The following PHTF1 variants were observed in gnomAD, a reference collection of about 807,000 sequenced individuals.
The protein encoded by PHTF1 is protein PHTF1.
Under a neutral mutation model 102.4 loss-of-function variants are expected in PHTF1, and 88 were observed. The ratio of observed to expected loss-of-function variants is 0.86; its 90% CI spans 0.72 to 1.03. The LOEUF (loss-of-function observed/expected upper bound fraction) is 1.03. Among genes scored for constraint, PHTF1 ranks in the 50% least tolerant of loss-of-function variants. The probability of loss-of-function intolerance (pLI) is 0.00; values close to 1 mark genes in which losing one functional copy is unlikely to be tolerated. For missense variants in PHTF1, 814 were observed against 909.5 expected (o/e 0.89, Z 1.35); for synonymous variants, 289 against 305.2 (o/e 0.95, Z 0.55).
At chr1:113,738,056 T>C (rs1571211660) in intron 5 of PHTF1, 54 bp downstream of exon 5, 10 of 1,275,440 alleles carry the variant, frequency 7.8e-6, no homozygotes, top group African/African-American at 3.0e-5. Context: ...CATTATTTAA[T>C]AGCAAAAGCA....
intron 11 of PHTF1, 57 bp downstream of exon 11, chr1:113,710,197 C>G: frequency 3.2e-6 from 4 of 1,254,432 alleles, no homozygotes; most frequent in Non-Finnish European, 4.7e-6. Context: ...GACAGAGTGC[C>G]TGACACACAG....
Position 113,712,033 on chromosome 1 carries a change from T to C in PHTF1, c.864A>G (p.Ile288Met), listed in dbSNP as rs1016608357. 6.2e-7 allele frequency: 1 copy of C among 1,613,830 alleles called. No homozygotes were observed. Among genetic ancestry groups the C allele is most frequent in the Non-Finnish European group, 8.5e-7 (1 of 1,179,732 alleles). ...CCCCTTCCACACTCCTACGCAATAA[T>C]ATCATCTGTGTCCGTGCTTCACCAT... ...EEDGEARTQMILLRRSVEGAS... is the reference protein window; with the variant it reads ...EEDGEARTQMMLLRRSVEGAS... Residue 288 changes from isoleucine (I) to methionine (M), a missense_variant, in exon 9 of 19, where the codon ATA becomes ATG. Transcript: ENST00000369604.
At chr1:113,714,307 T>A (rs1051851378) in intron 7 of PHTF1, 2 of 152,032 alleles carry the variant, frequency 1.3e-5, no homozygotes, top group African/African-American at 4.8e-5. Context: ...CACAGTGGGG[T>A]AGAACACCAA....
chr1:113,756,342 C>T (rs1433016041), intron 3 of PHTF1, among the ~76,000 whole-genome samples: 2 of 152,118 alleles, frequency 1.3e-5, no homozygotes, highest in Non-Finnish European at 2.9e-5. Flanking sequence ...AAAAGTTAGT[C>T]GGCTACTTGT....
chr1:113,759,076 G>A lies in PHTF1; in HGVS notation c.-84C>T, dbSNP rs1461775691. The A allele has an allele frequency of 2.0e-6, 2 of 997,010 alleles. No homozygotes were observed. Among genetic ancestry groups the A allele is most frequent in the African/African-American group, 3.5e-5 (2 of 57,698 alleles). The allele number at this position is 997,010 out of a possible 1,614,324, so 61.8% of individuals were successfully genotyped here. ...CCCGGGACCTCCGTCCTCAGTGCCCGGGGTCCCACCGTGAGGCCGGGGGCG... is the reference window on the plus strand; with the variant it reads ...CCCGGGACCTCCGTCCTCAGTGCCCAGGGTCCCACCGTGAGGCCGGGGGCG... On this transcript the variant is annotated 5_prime_UTR_variant, in exon 1 of 19. Transcript: ENST00000369604.
intron 7 of PHTF1, among the ~76,000 whole-genome samples, chr1:113,721,123 G>C (rs112785473): frequency 2.0e-5 from 3 of 152,032 alleles, no homozygotes; most frequent in African/African-American, 7.2e-5. Flanking sequence ...GTAACAATAA[G>C]ATAAAATAAA....
chr1:113,717,511 A>C (rs1017452513), intron 7 of PHTF1, among the ~76,000 whole-genome samples: 1 of 152,224 alleles, frequency 6.6e-6, no homozygotes, highest in Non-Finnish European at 1.5e-5. Context: ...GCTGAAAATA[A>C]GGGGATGGAA....
chr1:113,747,975 CT>C (rs1180679248), intron 3 of PHTF1, among the ~76,000 whole-genome samples: 2 of 152,066 alleles, frequency 1.3e-5, no homozygotes, highest in Non-Finnish European at 2.9e-5. Flanking sequence ...TCAAAAGATC[CT>C]TTTATTTTCC....
chr1:113,758,507 T>G (rs1659225359), intron 2 of PHTF1, 152 bp downstream of exon 2: 4 of 445,892 alleles, frequency 9.0e-6, no homozygotes, highest in African/African-American at 2.1e-5. Context: ...ATAATGACCT[T>G]GTACATCTTT....
At chr1:113,709,763 A>G (rs750386866) in intron 11 of PHTF1, among the ~76,000 whole-genome samples, 8 of 152,242 alleles carry the variant, frequency 5.3e-5, no homozygotes, top group Non-Finnish European at 1.0e-4. Flanking sequence ...ACACAGATGT[A>G]GAATGAATCT....
chr1:113,700,859 G>A lies in PHTF1; in HGVS notation c.1981C>T (p.Leu661=). 6.2e-7 allele frequency: 1 copy of A among 1,612,068 alleles called. No individual in the cohort carries two copies. The highest frequency in any genetic ancestry group is 8.5e-7 in the Non-Finnish European group (1 of 1,179,262). ...TTGGTTTCAGACCCCAGTGAGGCCAGACGCAATAAAAAAAGTAGTAAAGCT... is the reference window on the plus strand; with the variant it reads ...TTGGTTTCAGACCCCAGTGAGGCCAAACGCAATAAAAAAAGTAGTAAAGCT... ...ETALLLFLLR[L]ASLGSETNKK... Residue 661 remains leucine, a synonymous_variant, in exon 16 of 19, where the codon CTG becomes TTG. Coordinates refer to ENST00000369604, the MANE Select transcript of PHTF1 (RefSeq NM_001323043.2).
At chr1:113,746,515 G>A (rs1203456518) in intron 3 of PHTF1, among the ~76,000 whole-genome samples, 1 of 152,136 alleles carries the variant, frequency 6.6e-6, no homozygotes, top group Admixed American at 6.5e-5. Flanking sequence ...TTACAGGTAA[G>A]AATAATTACA....
rs775932843 is a variant in PHTF1, at chr1:113,711,706, C to A, written c.1047+40G>T. The A allele has an allele frequency of 3.0e-5, 44 of 1,454,996 alleles. 1 individual carries two copies. In the East Asian group the frequency reaches 3.9e-4, roughly 13 times the overall value. 90.1% of individuals were successfully genotyped at this position (1,454,996 alleles called of 1,614,324 possible). The stretch of plus-strand genomic sequence containing the variant: ...AAAAAGGAATGGATAAAGTTATTAC[C>A]CTCAAAAATATACCTTGATTTCTCA... On this transcript the variant is annotated intron_variant, in intron 10 of 18. Coordinates refer to ENST00000369604, the MANE Select transcript of PHTF1 (RefSeq NM_001323043.2).
At chr1:113,732,798 GA>G (rs1280421049) in intron 5 of PHTF1, among the ~76,000 whole-genome samples, 2 of 152,026 alleles carry the variant, frequency 1.3e-5, no homozygotes, top group Non-Finnish European at 2.9e-5. Flanking sequence ...TAAATGTGTG[GA>G]AAAAATACTT....
rs749950619 is a variant in PHTF1 at position 113,706,711 on chromosome 1, G to A, written c.1281C>T (p.Phe427=). The A allele has an allele frequency of 3.1e-6, 5 of 1,602,550 alleles. No individual in the cohort carries two copies. The highest frequency in any genetic ancestry group is 2.7e-5 in the African/African-American group (2 of 74,270). ...AGGAAGGACTTGAATTCTGAAGCCA[G>A]AATAAATGATTCTGAGAAGAAAAAT... is the stretch of plus-strand genomic sequence containing the variant. ...KEDVFQQNHL[F]WLQNSSPSSD... is the part of the protein sequence containing the mutation. The change falls in exon 12 of 19, where the codon TTC becomes TTT. Residue 427 remains phenylalanine (F), a synonymous_variant. Coordinates refer to ENST00000369604, the MANE Select transcript of PHTF1 (RefSeq NM_001323043.2).
At chr1:113,714,423 C>T (rs970702804) in intron 7 of PHTF1, 2 of 152,010 alleles carry the variant, frequency 1.3e-5, no homozygotes, top group Non-Finnish European at 2.9e-5. Flanking sequence ...GATACCCAGG[C>T]CTATCAGCAT....
chr1:113,708,677 G>A (rs1288262378), intron 11 of PHTF1, among the ~76,000 whole-genome samples: 1 of 151,978 alleles, frequency 6.6e-6, no homozygotes, highest in Non-Finnish European at 1.5e-5. Context: ...TTTTGACTTG[G>A]GTGGGTAGTG....
intron 10 of PHTF1, among the ~76,000 whole-genome samples, chr1:113,710,791 G>GATATATATAT (rs370631673): frequency 6.7e-5 from 7 of 104,804 alleles, no homozygotes; most frequent in African/African-American, 2.9e-4. Context: ...ATCACACCCG[G>GATATATATAT]ATATATATAT....
Position 113,741,663 on chromosome 1 carries a change from C to G in PHTF1, c.103-2864G>C, listed in dbSNP as rs144793005. ...TCCAAAGCTCCCTTAGCAATAGAAA[C>G]ACATTTATTCACTCAGTCAACAAAT... On this transcript the variant is annotated intron_variant, in intron 3 of 18. Coordinates refer to ENST00000369604, the MANE Select transcript of PHTF1 (RefSeq NM_001323043.2). Among the ~76,000 whole-genome samples, 37 of 152,200 alleles carry G rather than the reference C, an allele frequency of 2.4e-4. 1 individual carries two copies. In the East Asian group the frequency reaches 6.4e-3, roughly 26 times the overall value.
Sources: allele counts gnomAD v4.1 joint callset (sites outside exome capture counted in the v4.1 genomes callset), GRCh38; gene constraint gnomAD v4.1.1; transcripts MANE v1.5; gene names NCBI Gene and HGNC (gene_info 2026-07-23, HGNC 2026-07-21).